Variants in PCDHGB2 observed in about 807,000 individuals in gnomAD.
PCDHGB2 encodes the protein protocadherin gamma subfamily B, 2.
Under a neutral mutation model 59.3 loss-of-function variants are expected in PCDHGB2, and 55 were observed. That is an observed-to-expected ratio of 0.93 (90% CI 0.75 to 1.16). PCDHGB2 has a LOEUF of 1.16. PCDHGB2 is among the 50% of genes most tolerant of loss of function. PCDHGB2 has a pLI of 0.00. For synonymous variants in PCDHGB2, 516 were observed against 512.0 expected (o/e 1.01, Z -0.11); for missense variants, 1,228 against 1,198.5 (o/e 1.02, Z -0.36).
At chr5:141,375,602 A>G (rs1237264318) in intron 1 of PCDHGB2, 5 of 1,614,120 alleles carry the variant, frequency 3.1e-6, no homozygotes, top group African/African-American at 1.3e-5. Flanking sequence ...CTACGTGTCC[A>G]TCAACTCCGA....
rs77976889 is a variant in PCDHGB2, at chr5:141,493,704, G to C, written c.2422-1103G>C. On this transcript the variant is annotated intron_variant, in intron 1 of 3. Transcript: ENST00000522605. This position sits in a 1 kb window ranked among gnomAD's most constrained non-coding sequence, Gnocchi z 4.3. ...GTGCTGGTGACTCCCGATACACCTG[G>C]AATGCTAGGTTTCTGGGTTCTGCTC... Among the ~76,000 whole-genome samples the C allele has an allele frequency of 1.7e-3, 258 of 152,278 alleles. 2 individuals are homozygous for C. The highest frequency in any genetic ancestry group is 5.7e-3 in the African/African-American group (237 of 41,540).
chr5:141,374,507 A>T, intron 1 of PCDHGB2: 1 of 1,611,446 alleles, frequency 6.2e-7, no homozygotes. Flanking sequence ...GGAAGTGAAA[A>T]TTCTCGAAAA....
chr5:141,449,475 C>T (rs1351574160), intron 1 of PCDHGB2, among the ~76,000 whole-genome samples: 8 of 150,696 alleles, frequency 5.3e-5, no homozygotes, highest in African/African-American at 1.9e-4. Flanking sequence ...GGCCTGGTAC[C>T]CCATGCCTAA....
chr5:141,428,063 C>T lies in PCDHGB2; in HGVS notation c.2421+65507C>T, dbSNP rs777477669. 12 of 1,609,054 alleles carry T rather than the reference C, an allele frequency of 7.5e-6. No individual in the cohort carries two copies. In the African/African-American group the frequency reaches 1.3e-4, roughly 18 times the overall value. ...TGGTGACCAAGGTGGTGGCGGTGGA[C>T]GCAGATTCGGGACACAACGCTTGGC... On this transcript the variant is annotated intron_variant, in intron 1 of 3. Coordinates refer to ENST00000522605, the MANE Select transcript of PCDHGB2 (RefSeq NM_018923.3).
chr5:141,410,329 G>T, intron 1 of PCDHGB2: 1 of 1,613,982 alleles, frequency 6.2e-7, no homozygotes, highest in African/African-American at 1.3e-5. Context: ...CCGTGATTCT[G>T]GCCATTGCCT....
rs563057370 is a variant in PCDHGB2 at position 141,491,297 on chromosome 5, A to G, written c.2422-3510A>G. 1.2e-6 allele frequency: 2 copies of G among 1,614,106 alleles called. No homozygotes were observed. Among genetic ancestry groups the G allele is most frequent in the African/African-American group, 2.7e-5 (2 of 75,038 alleles). On this transcript the variant is annotated intron_variant, in intron 1 of 3. Transcript: ENST00000522605. This position sits in a 1 kb window ranked among gnomAD's most constrained non-coding sequence, Gnocchi z 6.9. The stretch of plus-strand genomic sequence containing the variant: ...AGTGACTTCCTCATACACCCTCCTG[A>G]GCGTTCAGACCTTACCCTTTACCTC...
rs1290682140 is a variant in PCDHGB2 at position 141,431,692 on chromosome 5, G to A, written c.2422-63115G>A. 1 of 1,614,132 alleles carries A rather than the reference G, an allele frequency of 6.2e-7. No homozygotes were observed. The highest frequency in any genetic ancestry group is 2.2e-5 in the East Asian group (1 of 44,888). On this transcript the variant is annotated intron_variant, in intron 1 of 3. Transcript: ENST00000522605. The surrounding 1 kb of genome is among the most constrained non-coding windows in gnomAD (Gnocchi z 4.8). The stretch of plus-strand genomic sequence containing the variant: ...CAATAGGGGAGTTGGACCACGAGGA[G>A]TCAGGATTCTACCAGATGGAAGTGC...
intron 1 of PCDHGB2, chr5:141,404,304 C>T (rs1182256144): frequency 1.2e-6 from 2 of 1,613,858 alleles, no homozygotes; most frequent in African/African-American, 2.7e-5. Flanking sequence ...AATCCACCTG[C>T]TTTCTCTCAA....
At chr5:141,428,136 G>A in intron 1 of PCDHGB2, 2 of 1,600,778 alleles carry the variant, frequency 1.2e-6, no homozygotes, top group South Asian at 1.1e-5. Flanking sequence ...TTTCAGCCTG[G>A]GGCTGCACAC....
chr5:141,389,215 A>G (rs2150378532), intron 1 of PCDHGB2: 1 of 1,614,010 alleles, frequency 6.2e-7, no homozygotes, highest in Non-Finnish European at 8.5e-7. Flanking sequence ...GGTGATGTAA[A>G]TGACAACGCT....
At chr5:141,376,108 G>T in intron 1 of PCDHGB2, 2 of 1,613,770 alleles carry the variant, frequency 1.2e-6, no homozygotes, top group Non-Finnish European at 1.7e-6. Flanking sequence ...TGGCCGACCT[G>T]GGCAGCCTCG....
At position 141,486,112 on chromosome 5, in the gene PCDHGB2, G is replaced by A; in HGVS notation, c.2422-8695G>A. ...TGGGGCCCCTAGACTTTGAGAGTGA[G>A]AATTACTATGAATTTGATGTGCGGG... On this transcript the variant is annotated intron_variant, in intron 1 of 3. Transcript: ENST00000522605. This position sits in a 1 kb window ranked among gnomAD's most constrained non-coding sequence, Gnocchi z 5.0. 1 of 1,614,166 alleles carries A rather than the reference G, an allele frequency of 6.2e-7. No homozygotes were observed. Among genetic ancestry groups the A allele is most frequent in the Non-Finnish European group, 8.5e-7 (1 of 1,180,024 alleles).
At chr5:141,495,104 G>C (rs552664771) in intron 2 of PCDHGB2, among the ~76,000 whole-genome samples, 16 of 152,194 alleles carry the variant, frequency 1.1e-4, no homozygotes, top group Admixed American at 8.5e-4. Flanking sequence ...CGCCACGACC[G>C]GCACCTTTTC....
At position 141,414,416 on chromosome 5, in the gene PCDHGB2, T is replaced by C. The variant is rs550804810; in HGVS notation, c.2421+51860T>C. The C allele has an allele frequency of 2.2e-5, 35 of 1,613,902 alleles. No homozygotes were observed. In the South Asian group the frequency reaches 3.5e-4, roughly 16 times the overall value. On this transcript the variant is annotated intron_variant, in intron 1 of 3. Coordinates refer to ENST00000522605, the MANE Select transcript of PCDHGB2 (RefSeq NM_018923.3). ...TACAGATTGGTGATACACAGAGCCCTTGACAGGGAACAGGTATCCTCTTAC... is the reference window on the plus strand; with the variant it reads ...TACAGATTGGTGATACACAGAGCCCCTGACAGGGAACAGGTATCCTCTTAC...
At chr5:141,420,268 T>C (rs375162019) in intron 1 of PCDHGB2, 254 of 1,543,666 alleles carry the variant, frequency 1.6e-4, no homozygotes, top group Non-Finnish European at 2.1e-4. Context: ...AGAAGATTCT[T>C]AAACAGGTAA....
intron 2 of PCDHGB2, among the ~76,000 whole-genome samples, chr5:141,496,392 C>T (rs6879760): frequency 0.064 from 9,762 of 152,240 alleles, 510 homozygotes; most frequent in African/African-American, 0.15. Context: ...CCTTACCCTA[C>T]CTCCTCAATG....
chr5:141,375,842 C>CT (rs1331781655), intron 1 of PCDHGB2: 1 of 1,614,004 alleles, frequency 6.2e-7, no homozygotes, highest in Non-Finnish European at 8.5e-7. Flanking sequence ...GCCCGGCTAC[C>CT]TGGTGACCAA....
intron 1 of PCDHGB2, among the ~76,000 whole-genome samples, chr5:141,492,108 C>T (rs1331001233): frequency 2.6e-5 from 4 of 152,232 alleles, no homozygotes; most frequent in African/African-American, 9.6e-5. Flanking sequence ...TAGATTTCCT[C>T]TTCGATTTCT....
intron 1 of PCDHGB2, chr5:141,418,422 G>A: frequency 6.2e-7 from 1 of 1,613,996 alleles, no homozygotes; most frequent in East Asian, 2.2e-5. Context: ...AATCCTGATG[G>A]TGGCAAATAT....
Sources: gnomAD v4.1 joint callset for allele counts (sites outside exome capture counted in the v4.1 genomes callset) on GRCh38, gnomAD v4.1.1 for gene constraint, Gnocchi (gnomAD v3.1) non-coding constraint, MANE v1.5 for transcripts, NCBI Gene and HGNC (gene_info 2026-07-23, HGNC 2026-07-21) for gene names.